The following CLDN14 variants were observed in gnomAD, a reference collection of about 807,000 sequenced individuals.
CLDN14 encodes claudin-14.
In CLDN14, 2 loss-of-function variants were observed where a neutral mutation model predicts 2.1. The ratio of observed to expected loss-of-function variants is 0.96; its 90% CI spans 0.39 to 3.01. CLDN14 has a LOEUF of 3.01. Among genes scored for constraint, CLDN14 ranks in the 30% most tolerant of loss-of-function variants. CLDN14 has a pLI of 0.09. For synonymous variants in CLDN14, 136 were observed against 154.4 expected (o/e 0.88, Z 0.88); for missense variants, 298 against 328.0 (o/e 0.91, Z 0.71).
Position 36,498,869 on chromosome 21 carries a change from C to T in CLDN14, c.-82+11494G>A, listed in dbSNP as rs150165588. On this transcript the variant is annotated intron_variant, in intron 2 of 2. Transcript: ENST00000342108. This position sits in a 1 kb window ranked among gnomAD's most constrained non-coding sequence, Gnocchi z 4.9. ...CATGGGGGCTGAAATTCAACCAAGG[C>T]TTGATTCCTGCCTGAGGTGCCAGGA... Among the ~76,000 whole-genome samples the T allele has an allele frequency of 1.1e-3, 163 of 152,238 alleles. No individual in the cohort carries two copies. The highest frequency in any genetic ancestry group is 6.8e-3 in the Middle Eastern group (2 of 294).
intron 1 of CLDN14, among the ~76,000 whole-genome samples, chr21:36,524,163 G>T (rs2087303983): frequency 6.6e-6 from 1 of 151,708 alleles, no homozygotes; most frequent in South Asian, 2.1e-4. Flanking sequence ...CTGTCGCCCA[G>T]GCTGGAGTGC....
Position 36,499,245 on chromosome 21 carries a change from T to C in CLDN14, c.-82+11118A>G, listed in dbSNP as rs777629440. ...GTGAATGGGGCCATTGCTTTCAGCT[T>C]TCTCCAAGGTTTTTGTTTGTTTGTT... On this transcript the variant is annotated intron_variant, in intron 2 of 2. Transcript: ENST00000342108. The surrounding 1 kb of genome is among the most constrained non-coding windows in gnomAD (Gnocchi z 4.7). 6.6e-6 allele frequency among the ~76,000 whole-genome samples: 1 copy of C among 152,212 alleles called. No individual in the cohort carries two copies. The highest frequency in any genetic ancestry group is 1.5e-5 in the Non-Finnish European group (1 of 68,044).
In CLDN14 at chr21:36,461,332, C is replaced by T. The variant is rs769599110; in HGVS notation, c.364G>A (p.Gly122Ser). ...PAKTTFAILGGTLFILAGLLC... is the reference protein window; with the variant it reads ...PAKTTFAILGSTLFILAGLLC... ...AGGCCGGCCAGGATGAAGAGGGTGC[C>T]GCCGAGGATGGCAAAGGTGGTCTTG... Residue 122 changes from glycine to serine, a missense_variant, in exon 2 of 2, where the codon GGC becomes AGC. Gly to Ser is a moderately conservative substitution (Grantham distance 56). Transcript: ENST00000399135. 7.4e-5 allele frequency: 119 copies of T among 1,613,378 alleles called. No individual in the cohort carries two copies. Among genetic ancestry groups the T allele is most frequent in the Non-Finnish European group, 9.2e-5 (108 of 1,179,968 alleles).
intron 1 of CLDN14, among the ~76,000 whole-genome samples, chr21:36,571,232 C>A (rs529654636): frequency 6.6e-6 from 1 of 152,320 alleles, no homozygotes; most frequent in African/African-American, 2.4e-5. Context: ...AGATTAGAAA[C>A]AACTGAAGTT....
chr21:36,554,870 G>A (rs397996), intron 1 of CLDN14, among the ~76,000 whole-genome samples: 113,636 of 152,152 alleles, frequency 0.75, 43,991 homozygotes, highest in Non-Finnish European at 0.87. Flanking sequence ...GGTCTGCAAA[G>A]TCTGATGGTC....
upstream of CLDN14, among the ~76,000 whole-genome samples, chr21:36,484,209 T>C (rs891649099): frequency 6.6e-6 from 1 of 152,190 alleles, no homozygotes; most frequent in Admixed American, 6.5e-5. Context: ...AGGAAGAGCA[T>C]GAGGCTCGGA....
chr21:36,501,220 T>C (rs2087089100), intron 2 of CLDN14, among the ~76,000 whole-genome samples: 1 of 152,130 alleles, frequency 6.6e-6, no homozygotes, highest in African/African-American at 2.4e-5. Context: ...ATGAAATGTA[T>C]CTGCCCAGTT....
rs965823656 is a variant in CLDN14 at position 36,498,499 on chromosome 21, T to C, written c.-82+11864A>G. Among the ~76,000 whole-genome samples the C allele has an allele frequency of 3.9e-5, 6 of 152,276 alleles. No homozygotes were observed. The highest frequency in any genetic ancestry group is 8.8e-5 in the Non-Finnish European group (6 of 68,016). ...AATACTTGCACGGCAGCAGGTTGTT[T>C]GAATAAAATAGGAGATTTCCAGTCT... On this transcript the variant is annotated intron_variant, in intron 2 of 2. Transcript: ENST00000342108. This position sits in a 1 kb window ranked among gnomAD's most constrained non-coding sequence, Gnocchi z 4.9.
intron 1 of CLDN14, among the ~76,000 whole-genome samples, chr21:36,533,428 C>T (rs748037909): frequency 3.3e-5 from 5 of 152,156 alleles, no homozygotes; most frequent in East Asian, 1.9e-4. Context: ...AAGATGCTTC[C>T]GGCTTACAAT....
rs2087562120 is a variant in CLDN14 at position 36,551,263 on chromosome 21, C to G, written c.-220+25148G>C. Among the ~76,000 whole-genome samples, 1 of 152,236 alleles carries G rather than the reference C, an allele frequency of 6.6e-6. No homozygotes were observed. Among genetic ancestry groups the G allele is most frequent in the South Asian group, 2.1e-4 (1 of 4,836 alleles). On this transcript the variant is annotated intron_variant, in intron 1 of 2. Transcript: ENST00000342108. This position sits in a 1 kb window ranked among gnomAD's most constrained non-coding sequence, Gnocchi z 4.8. ...GAGACCACGATGGCTTGGCCCCCTC[C>G]CCTTGGCCTCTGCGCTGGGAGGGAG...
intron 1 of CLDN14, among the ~76,000 whole-genome samples, chr21:36,463,932 A>G (rs79725062): frequency 0.02 from 2,976 of 152,252 alleles, 96 homozygotes; most frequent in African/African-American, 0.068. Context: ...ATAAATAATA[A>G]CAAAACAACG....
rs372584176 is a variant in CLDN14 at position 36,479,944 on chromosome 21, C to A, written c.-531G>T. ...CTACGCCTGCCCAGGCTCTCGGCTC[C>A]GGGTCCATTGGCTGTTCACACTCAC... On this transcript the variant is annotated 5_prime_UTR_variant, in exon 1 of 2. Coordinates refer to ENST00000399135, the MANE Select transcript of CLDN14 (RefSeq NM_001146079.2). The A allele has an allele frequency of 6.6e-6, 1 of 152,330 alleles. No individual in the cohort carries two copies. The highest frequency in any genetic ancestry group is 1.5e-5 in the Non-Finnish European group (1 of 68,126). 9.4% of individuals were successfully genotyped at this position (152,330 alleles called of 1,614,324 possible). A position where few individuals can be genotyped will look rare whatever the true frequency, so the allele number is the denominator to read the frequency against.
At chr21:36,493,119 GT>G (rs1421743079) in intron 2 of CLDN14, among the ~76,000 whole-genome samples, 2 of 152,142 alleles carry the variant, frequency 1.3e-5, no homozygotes, top group East Asian at 3.9e-4. Flanking sequence ...TTACCGGTTT[GT>G]TTTTCTGCCC....
chr21:36,486,912 G>A (rs73204270), intron 2 of CLDN14: 73,331 of 619,964 alleles, frequency 0.12, 4,765 homozygotes, highest in Non-Finnish European at 0.14. Flanking sequence ...GAGTGAGTGT[G>A]GTCAGCACTT....
intron 2 of CLDN14, chr21:36,487,801 T>C (rs567693493): frequency 1.3e-5 from 2 of 152,314 alleles, no homozygotes; most frequent in South Asian, 4.1e-4. Context: ...AACAGGCATT[T>C]CAATGTGGTC....
intron 1 of CLDN14, among the ~76,000 whole-genome samples, chr21:36,468,034 C>T (rs1252494778): frequency 2.0e-5 from 3 of 152,172 alleles, no homozygotes; most frequent in South Asian, 2.1e-4. Context: ...TGTTTGGGAA[C>T]GAGCCATTAT....
chr21:36,498,527 G>A lies in CLDN14; in HGVS notation c.-82+11836C>T, dbSNP rs2087060992. Among the ~76,000 whole-genome samples the A allele has an allele frequency of 6.6e-6, 1 of 152,200 alleles. No individual in the cohort carries two copies. Among genetic ancestry groups the A allele is most frequent in the African/African-American group, 2.4e-5 (1 of 41,448 alleles). The stretch of plus-strand genomic sequence containing the variant: ...ATAAAATAGGAGATTTCCAGTCTCA[G>A]ATTGGATACATGCACTTAATATCAG... On this transcript the variant is annotated intron_variant, in intron 2 of 2. Coordinates refer to the CLDN14 transcript ENST00000342108. The surrounding 1 kb of genome is among the most constrained non-coding windows in gnomAD (Gnocchi z 4.9).
intron 1 of CLDN14, among the ~76,000 whole-genome samples, chr21:36,468,308 G>A (rs943142618): frequency 3.9e-5 from 6 of 152,152 alleles, no homozygotes; most frequent in Non-Finnish European, 7.4e-5. Flanking sequence ...TGGAGATGGT[G>A]GCTCACACTT....
intron 1 of CLDN14, among the ~76,000 whole-genome samples, chr21:36,475,170 G>A (rs566021896): frequency 8.5e-5 from 13 of 152,182 alleles, no homozygotes; most frequent in Non-Finnish European, 1.8e-4. Context: ...ACTGCACTGC[G>A]AGGGTCCCAA....
Sources: gnomAD v4.1 joint callset for allele counts (sites outside exome capture counted in the v4.1 genomes callset) on GRCh38, gnomAD v4.1.1 for gene constraint, Gnocchi (gnomAD v3.1) non-coding constraint, MANE v1.5 for transcripts, NCBI Gene and HGNC (gene_info 2026-07-23, HGNC 2026-07-21) for gene names.